Variants in DNM3 observed in about 807,000 individuals in gnomAD.
The protein encoded by DNM3 is dynamin 3.
DNM3 carries 47 observed loss-of-function variants against 101.6 expected under a neutral mutation model. The ratio of observed to expected loss-of-function variants is 0.46; its 90% CI spans 0.37 to 0.59. The LOEUF is 0.59. Among genes scored for constraint, DNM3 ranks in the 20% least tolerant of loss-of-function variants. DNM3 has a pLI of 0.00. For missense variants in DNM3, 849 were observed against 1,085.7 expected, an observed-to-expected ratio of 0.78 and a Z score of 3.06; for synonymous variants, 385 against 387.9, an observed-to-expected ratio of 0.99 and a Z score of 0.09.
At chr1:172,004,140 T>TAA (rs1420021462) in intron 4 of DNM3, among the ~76,000 whole-genome samples, 1 of 151,844 alleles carries the variant, frequency 6.6e-6, no homozygotes, top group African/African-American at 2.4e-5. Flanking sequence ...GAAAGTGAAA[T>TAA]AAAAAAGAAT....
intron 17 of DNM3, among the ~76,000 whole-genome samples, chr1:172,355,883 G>A (rs921379784): frequency 6.6e-6 from 1 of 151,956 alleles, no homozygotes; most frequent in African/African-American, 2.4e-5. Flanking sequence ...CTAAGATCTA[G>A]GAAGACCACA....
intron 15 of DNM3, among the ~76,000 whole-genome samples, chr1:172,268,345 T>C (rs1416643321): frequency 6.6e-6 from 1 of 152,162 alleles, no homozygotes; most frequent in African/African-American, 2.4e-5. Context: ...CAGAGATCTC[T>C]GTTTTTGCGT....
chr1:172,055,883 A>C (rs938053200), intron 10 of DNM3, among the ~76,000 whole-genome samples: 1 of 152,190 alleles, frequency 6.6e-6, no homozygotes. Context: ...AGCTCCCAGC[A>C]TGAGCGACGC....
At chr1:172,398,818 C>T (rs2070232976) in intron 20 of DNM3, among the ~76,000 whole-genome samples, 2 of 152,056 alleles carry the variant, frequency 1.3e-5, no homozygotes, top group Non-Finnish European at 2.9e-5. Flanking sequence ...GACTTTTGGT[C>T]TGAATTGGTC....
chr1:172,083,571 CTTG>C (rs2053312400), intron 12 of DNM3, among the ~76,000 whole-genome samples: 1 of 152,110 alleles, frequency 6.6e-6, no homozygotes, highest in South Asian at 2.1e-4. Flanking sequence ...AGGATGCTGC[CTTG>C]TTGTGGTACC....
At chr1:172,338,653 G>A (rs1469391029) in intron 17 of DNM3, among the ~76,000 whole-genome samples, 10 of 152,182 alleles carry the variant, frequency 6.6e-5, no homozygotes, top group Non-Finnish European at 4.4e-5. Flanking sequence ...ATTTCTCTGT[G>A]GCACAGGATC....
intron 9 of DNM3, among the ~76,000 whole-genome samples, chr1:172,047,510 C>T (rs1451544582): frequency 1.3e-5 from 2 of 152,044 alleles, no homozygotes; most frequent in Non-Finnish European, 2.9e-5. Flanking sequence ...TTGACTGAAA[C>T]ATAGGGTACG....
chr1:171,911,341 T>G (rs2039286554), intron 1 of DNM3, among the ~76,000 whole-genome samples: 1 of 139,030 alleles, frequency 7.2e-6, no homozygotes, highest in African/African-American at 2.7e-5. Context: ...AGTGCAGTGG[T>G]GCAATCTCGG....
chr1:172,145,382 C>G (rs2057832819), intron 14 of DNM3, among the ~76,000 whole-genome samples: 1 of 150,628 alleles, frequency 6.6e-6, no homozygotes, highest in Non-Finnish European at 1.5e-5. Context: ...CTCTCCCTCC[C>G]TCCCTCCTTC....
chr1:172,093,499 ATTG>A (rs2054049730), intron 13 of DNM3, among the ~76,000 whole-genome samples: 1 of 152,150 alleles, frequency 6.6e-6, no homozygotes, highest in African/African-American at 2.4e-5. Context: ...GAATATTTGC[ATTG>A]TTATTTCTTT....
At chr1:172,097,179 A>T (rs911148611) in intron 13 of DNM3, among the ~76,000 whole-genome samples, 5 of 152,026 alleles carry the variant, frequency 3.3e-5, no homozygotes, top group Non-Finnish European at 7.4e-5. Flanking sequence ...AGGTGGGTGG[A>T]TCACAAGGTC....
intron 17 of DNM3, among the ~76,000 whole-genome samples, chr1:172,356,286 A>G (rs946758798): frequency 1.3e-5 from 2 of 152,140 alleles, no homozygotes; most frequent in Non-Finnish European, 2.9e-5. Flanking sequence ...AACAACAAGA[A>G]TAATAGTAAT....
chr1:172,176,745 A>G (rs991100829), intron 14 of DNM3, among the ~76,000 whole-genome samples: 12 of 151,978 alleles, frequency 7.9e-5, no homozygotes, highest in African/African-American at 2.2e-4. Flanking sequence ...ACAGAGTGAA[A>G]AGGTAGGTTG....
At chr1:172,214,414 T>A (rs2060620500) in intron 14 of DNM3, among the ~76,000 whole-genome samples, 1 of 151,978 alleles carries the variant, frequency 6.6e-6, no homozygotes, top group Non-Finnish European at 1.5e-5. Flanking sequence ...CTGCACGTTG[T>A]GCACATGTAC....
intron 2 of DNM3, among the ~76,000 whole-genome samples, chr1:171,945,063 C>T (rs1372975340): frequency 6.6e-6 from 1 of 151,176 alleles, no homozygotes; most frequent in Non-Finnish European, 1.5e-5. Flanking sequence ...TGTGAAGGGA[C>T]CTCGCTGTGT....
chr1:172,312,149 A>G (rs1422663804), intron 16 of DNM3, among the ~76,000 whole-genome samples: 3 of 152,238 alleles, frequency 2.0e-5, no homozygotes, highest in Middle Eastern at 3.2e-3. Context: ...GAAAGACTTG[A>G]TGAAGTCAGA....
intron 20 of DNM3, among the ~76,000 whole-genome samples, chr1:172,397,743 T>C (rs1472743658): frequency 2.2e-5 from 2 of 89,322 alleles, no homozygotes; most frequent in African/African-American, 4.4e-5. Context: ...TTACATCTTA[T>C]AGATTTCATT....
intron 2 of DNM3, among the ~76,000 whole-genome samples, chr1:171,971,732 C>A (rs1483223283): frequency 3.3e-5 from 5 of 152,020 alleles, no homozygotes; most frequent in African/African-American, 7.2e-5. Context: ...AAACAAAAAA[C>A]CCAGAAAACC....
At chr1:172,366,338 A>G (rs544834891) in intron 17 of DNM3, among the ~76,000 whole-genome samples, 22 of 152,096 alleles carry the variant, frequency 1.4e-4, no homozygotes, top group African/African-American at 4.6e-4. Flanking sequence ...CCCAATATCA[A>G]TTTAATTCAT....
Sources: gnomAD v4.1 joint callset for allele counts (sites outside exome capture counted in the v4.1 genomes callset) on GRCh38, gnomAD v4.1.1 for gene constraint, MANE v1.5 for transcripts, NCBI Gene and HGNC (gene_info 2026-07-23, HGNC 2026-07-21) for gene names.